CCDC171: variants seen among roughly 807,000 people sequenced by gnomAD.
CCDC171 encodes the protein coiled-coil domain-containing protein 171.
In CCDC171, 177 loss-of-function variants were observed where a neutral mutation model predicts 168.2. The ratio of observed to expected loss-of-function variants is 1.05; its 90% confidence interval spans 0.93 to 1.19. The LOEUF (loss-of-function observed/expected upper bound fraction) is 1.19, where lower values mean the gene tolerates loss of function less well. Among genes scored for constraint, CCDC171 ranks in the 50% most tolerant of loss-of-function variants. The probability of loss-of-function intolerance (pLI) is 0.00; values close to 1 mark genes in which losing one functional copy is unlikely to be tolerated. For missense variants in CCDC171, 1,991 were observed against 1,539.0 expected (o/e 1.29, Z -4.91); for synonymous variants, 687 against 540.8 (o/e 1.27, Z -3.75).
At chr9:15,932,215 A>T (rs571871328) in intron 25 of CCDC171, among the ~76,000 whole-genome samples, 5 of 151,978 alleles carry the variant, frequency 3.3e-5, no homozygotes, top group Admixed American at 2.6e-4. Context: ...TGGCCATTTT[A>T]ACAATATTAA....
intron 11 of CCDC171, among the ~76,000 whole-genome samples, chr9:15,706,036 G>T (rs1235102540): frequency 6.6e-6 from 1 of 152,176 alleles, no homozygotes; most frequent in Non-Finnish European, 1.5e-5. Flanking sequence ...ATCTTTCATG[G>T]ATCATAGAAA....
rs184916469 is a variant in CCDC171 at position 15,913,815 on chromosome 9, A to G, written c.3601-6455A>G. On this transcript the variant is annotated intron_variant, in intron 24 of 25. Coordinates refer to ENST00000380701, the MANE Select transcript of CCDC171 (RefSeq NM_173550.4). ...TGTTTTTGCTGTCGGTGACCTTCGG[A>G]TGGAGTTTTTGCATGCTTGTTCTTT... is the stretch of plus-strand genomic sequence containing the variant. Among the ~76,000 whole-genome samples, 12 of 152,046 alleles carry G rather than the reference A, an allele frequency of 7.9e-5. No homozygotes were observed. The South Asian group carries it at 2.5e-3, about 32-fold the overall frequency.
intron 24 of CCDC171, among the ~76,000 whole-genome samples, chr9:15,892,147 A>G (rs544917382): frequency 6.6e-6 from 1 of 152,314 alleles, no homozygotes; most frequent in South Asian, 2.1e-4. Context: ...TCTTCTGCAA[A>G]CAAAGATAAT....
chr9:15,694,023 C>G (rs574263382), intron 10 of CCDC171, among the ~76,000 whole-genome samples: 2 of 152,290 alleles, frequency 1.3e-5, no homozygotes, highest in Middle Eastern at 6.8e-3. Context: ...CCAATGACTT[C>G]CAAACCCAGG....
chr9:16,059,390 G>C (rs376683832), intron 1 of CCDC171, among the ~76,000 whole-genome samples: 1 of 152,064 alleles, frequency 6.6e-6, no homozygotes, highest in Non-Finnish European at 1.5e-5. Flanking sequence ...ATATGCGTCC[G>C]GTGTCCGGAG....
At chr9:16,038,854 G>A (rs887229005), upstream of CCDC171, among the ~76,000 whole-genome samples, 2 of 72,144 alleles carry the variant, frequency 2.8e-5, no homozygotes, top group African/African-American at 4.9e-5. Flanking sequence ...AATAGAAAAA[G>A]ACCTATCAGG....
chr9:15,902,707 C>T (rs1026235178), intron 24 of CCDC171, among the ~76,000 whole-genome samples: 2 of 152,160 alleles, frequency 1.3e-5, no homozygotes, highest in African/African-American at 4.8e-5. Flanking sequence ...GTGCAGCGCA[C>T]CGAGCATGAG....
At chr9:16,108,824 A>C in the CCDC171 span, among the ~76,000 whole-genome samples, 1 of 152,186 alleles carries the variant, frequency 6.6e-6, no homozygotes, top group Non-Finnish European at 1.5e-5. Context: ...CTGAAGCCTC[A>C]CCAGAAGCTG....
At chr9:16,059,558 ACT>A in intron 1 of CCDC171, among the ~76,000 whole-genome samples, 1 of 119,122 alleles carries the variant, frequency 8.4e-6, no homozygotes, top group African/African-American at 3.8e-5. Context: ...CCCAGGCCGG[ACT>A]GCGGACTGCA....
At chr9:16,097,374 A>T in the CCDC171 span, among the ~76,000 whole-genome samples, 1 of 152,234 alleles carries the variant, frequency 6.6e-6, no homozygotes, top group Non-Finnish European at 1.5e-5. Context: ...CATCCCATAT[A>T]TTCCAAAAGG....
intron 24 of CCDC171, among the ~76,000 whole-genome samples, chr9:15,910,172 GCACA>G (rs60923477): frequency 0.53 from 79,530 of 150,752 alleles, 22,343 homozygotes; most frequent in East Asian, 0.8. Context: ...GTATATATGT[GCACA>G]CACACACACA....
intron 18 of CCDC171, among the ~76,000 whole-genome samples, chr9:15,750,006 AC>A (rs1394960117): frequency 1.3e-5 from 2 of 150,774 alleles, no homozygotes; most frequent in African/African-American, 4.9e-5. Flanking sequence ...ACACAAAAAA[AC>A]CCTTTAAAAA....
chr9:15,734,293 T>C (rs1040501880), intron 16 of CCDC171, among the ~76,000 whole-genome samples: 1 of 152,214 alleles, frequency 6.6e-6, no homozygotes, highest in Non-Finnish European at 1.5e-5. Context: ...CCCAGCACTT[T>C]GGGAGGCCGA....
intron 9 of CCDC171, among the ~76,000 whole-genome samples, chr9:15,674,836 G>T (rs1224209486): frequency 6.6e-6 from 1 of 152,168 alleles, no homozygotes; most frequent in East Asian, 1.9e-4. Context: ...TGTATATTCT[G>T]TTGATTTGGG....
chr9:15,920,435 C>T lies in CCDC171; in HGVS notation c.3753+13C>T, dbSNP rs2131991619. On this transcript the variant is annotated intron_variant, in intron 25 of 25. Coordinates refer to ENST00000380701, the MANE Select transcript of CCDC171 (RefSeq NM_173550.4). ...AAGTTTACAATCAGTAAGTCCTTGT[C>T]TAACAATATTTTTATAACTTTTTGA... is the stretch of plus-strand genomic sequence containing the variant. The T allele has an allele frequency of 1.9e-6, 3 of 1,572,070 alleles. No homozygotes were observed. The highest frequency in any genetic ancestry group is 2.3e-5 in the East Asian group (1 of 44,380).
At chr9:15,701,666 G>T (rs1432997505) in intron 11 of CCDC171, among the ~76,000 whole-genome samples, 1 of 144,960 alleles carries the variant, frequency 6.9e-6, no homozygotes, top group Non-Finnish European at 1.5e-5. Context: ...TGCAACCTCC[G>T]CCTCTCCGGA....
At chr9:15,784,486 C>T in intron 20 of CCDC171, 23 bp from the exon 21 acceptor site, 1 of 1,538,580 alleles carries the variant, frequency 6.5e-7, no homozygotes, top group South Asian at 1.1e-5. Flanking sequence ...ATAACTGATT[C>T]TCCCCTCTCC....
At chr9:15,900,035 G>A (rs1393391931) in intron 24 of CCDC171, among the ~76,000 whole-genome samples, 1 of 152,102 alleles carries the variant, frequency 6.6e-6, no homozygotes, top group Non-Finnish European at 1.5e-5. Context: ...TTTGGTATAA[G>A]GAGTGTTTCA....
chr9:15,683,212 T>C (rs1048534212), intron 10 of CCDC171, among the ~76,000 whole-genome samples: 10 of 152,018 alleles, frequency 6.6e-5, no homozygotes, highest in East Asian at 3.8e-4. Flanking sequence ...GAACTTGTGA[T>C]TGAAAATGGT....
Sources: allele counts gnomAD v4.1 joint callset (sites outside exome capture counted in the v4.1 genomes callset), GRCh38; gene constraint gnomAD v4.1.1; transcripts MANE v1.5; gene names NCBI Gene and HGNC (gene_info 2026-07-23, HGNC 2026-07-21).